GRIK1: variants seen among roughly 807,000 people sequenced by gnomAD.
GRIK1 encodes glutamate receptor ionotropic, kainate 1.
A neutral mutation model predicts 105.7 loss-of-function variants in GRIK1; 69 were observed. The observed-to-expected ratio is 0.65, with a 90% confidence interval of 0.54 to 0.80. GRIK1 has a LOEUF of 0.80. Ranked by LOEUF, GRIK1 falls within the 30% of genes least tolerant of loss-of-function variation. The probability of loss-of-function intolerance (pLI) is 0.00; values close to 1 mark genes in which losing one functional copy is unlikely to be tolerated. For missense variants in GRIK1, 1,109 were observed against 1,167.3 expected (o/e 0.95, Z 0.73); for synonymous variants, 438 against 431.3 (o/e 1.02, Z -0.19).
intron 15 of GRIK1, among the ~76,000 whole-genome samples, chr21:29,560,572 C>T (rs2090449848): frequency 1.8e-5 from 2 of 108,876 alleles, no homozygotes; most frequent in African/African-American, 3.7e-5. Context: ...TTCTTTCTTT[C>T]TTTCTCTCTT....
At chr21:29,725,583 C>T (rs1024593408) in intron 1 of GRIK1, among the ~76,000 whole-genome samples, 1 of 152,208 alleles carries the variant, frequency 6.6e-6, no homozygotes, top group African/African-American at 2.4e-5. Context: ...AGACTGCATA[C>T]GACCAGGTGT....
intron 7 of GRIK1, among the ~76,000 whole-genome samples, chr21:29,607,239 C>A (rs981666678): frequency 1.2e-4 from 19 of 152,068 alleles, no homozygotes; most frequent in African/African-American, 4.6e-4. Flanking sequence ...TTTCTTAGCA[C>A]TTTTCTTTTG....
intron 1 of GRIK1, among the ~76,000 whole-genome samples, chr21:29,717,909 T>C (rs1055543675): frequency 6.6e-6 from 1 of 152,146 alleles, no homozygotes; most frequent in African/African-American, 2.4e-5. Flanking sequence ...AATTACCTTG[T>C]ATTGTGGGAG....
intron 1 of GRIK1, among the ~76,000 whole-genome samples, chr21:29,803,060 ACTCTAAT>A: frequency 6.6e-6 from 1 of 151,982 alleles, no homozygotes; most frequent in Non-Finnish European, 1.5e-5. Context: ...TTTTTTTCAC[ACTCTAAT>A]GCTTGATGAG....
At chr21:29,926,549 A>G (rs2071377717) in intron 1 of GRIK1, among the ~76,000 whole-genome samples, 1 of 152,180 alleles carries the variant, frequency 6.6e-6, no homozygotes, top group Non-Finnish European at 1.5e-5. Flanking sequence ...CAGTTATGAA[A>G]TGAAAAAGTT....
chr21:29,931,403 C>A (rs992852742), intron 1 of GRIK1, among the ~76,000 whole-genome samples: 7 of 152,090 alleles, frequency 4.6e-5, no homozygotes, highest in Non-Finnish European at 7.4e-5. Context: ...TAGAGTAGGG[C>A]TCTAGGCTTT....
At chr21:29,789,765 A>G (rs73897832) in intron 1 of GRIK1, among the ~76,000 whole-genome samples, 2,539 of 152,302 alleles carry the variant, frequency 0.017, 71 homozygotes, top group African/African-American at 0.056. Context: ...GGAGTTTATG[A>G]ATAAAGGCTT....
intron 1 of GRIK1, among the ~76,000 whole-genome samples, chr21:29,760,995 A>G (rs1375415367): frequency 6.6e-6 from 1 of 152,202 alleles, no homozygotes; most frequent in East Asian, 1.9e-4. Flanking sequence ...TTTTAGTTTT[A>G]CAACAACATT....
chr21:29,862,015 G>C (rs1358985744), intron 1 of GRIK1, among the ~76,000 whole-genome samples: 1 of 152,028 alleles, frequency 6.6e-6, no homozygotes, highest in African/African-American at 2.4e-5. Context: ...GTTTTTTAGA[G>C]ATAGAGTCTT....
At chr21:29,879,158 C>A (rs1218790362) in intron 1 of GRIK1, among the ~76,000 whole-genome samples, 1 of 152,066 alleles carries the variant, frequency 6.6e-6, no homozygotes, top group Admixed American at 6.6e-5. Context: ...GAAGAAGGAA[C>A]AACTTTCAGT....
intron 14 of GRIK1, among the ~76,000 whole-genome samples, chr21:29,563,317 G>T (rs1026956087): frequency 6.6e-6 from 1 of 152,148 alleles, no homozygotes; most frequent in African/African-American, 2.4e-5. Flanking sequence ...TAGGACCTGG[G>T]TTAATACTGT....
intron 1 of GRIK1, among the ~76,000 whole-genome samples, chr21:29,827,782 TAAAC>T (rs1307342975): frequency 6.6e-6 from 1 of 152,234 alleles, no homozygotes; most frequent in East Asian, 1.9e-4. Flanking sequence ...TTAGCGTCTT[TAAAC>T]AAACAAACAA....
intron 7 of GRIK1, among the ~76,000 whole-genome samples, chr21:29,599,369 C>T (rs1300229454): frequency 6.6e-6 from 1 of 152,178 alleles, no homozygotes; most frequent in African/African-American, 2.4e-5. Flanking sequence ...TGATGTATTG[C>T]AGTTTTTAGG....
intron 1 of GRIK1, among the ~76,000 whole-genome samples, chr21:29,855,784 G>A (rs1358238929): frequency 6.6e-6 from 1 of 152,180 alleles, no homozygotes; most frequent in Non-Finnish European, 1.5e-5. Context: ...GATGGTGATG[G>A]TGAAGGTGAA....
At chr21:29,686,987 G>T (rs559642970) in intron 3 of GRIK1, among the ~76,000 whole-genome samples, 97 of 152,208 alleles carry the variant, frequency 6.4e-4, no homozygotes, top group Non-Finnish European at 1.2e-3. Flanking sequence ...ACAAGTAGGT[G>T]ACTAACGGGA....
chr21:29,837,461 T>C (rs1042626715), intron 1 of GRIK1, among the ~76,000 whole-genome samples: 7 of 152,118 alleles, frequency 4.6e-5, no homozygotes, highest in African/African-American at 1.7e-4. Context: ...TATGTGATTA[T>C]ATTGAGTTAG....
At chr21:29,760,842 C>T (rs2065493577) in intron 1 of GRIK1, among the ~76,000 whole-genome samples, 1 of 152,108 alleles carries the variant, frequency 6.6e-6, no homozygotes. Flanking sequence ...GTCAGTGATT[C>T]ACAGCTCATA....
intron 1 of GRIK1, among the ~76,000 whole-genome samples, chr21:29,749,592 T>A (rs1163984025): frequency 1.3e-5 from 2 of 152,366 alleles, no homozygotes; most frequent in South Asian, 4.1e-4. Flanking sequence ...GTACCATTTC[T>A]GCCACATTTG....
At chr21:29,858,173 A>G (rs1285502609) in intron 1 of GRIK1, among the ~76,000 whole-genome samples, 1 of 152,164 alleles carries the variant, frequency 6.6e-6, no homozygotes, top group African/African-American at 2.4e-5. Flanking sequence ...TGCTGGGATT[A>G]CAGGCATGAG....
Sources: gnomAD v4.1 joint callset for allele counts (sites outside exome capture counted in the v4.1 genomes callset) on GRCh38, gnomAD v4.1.1 for gene constraint, MANE v1.5 for transcripts, NCBI Gene and HGNC (gene_info 2026-07-23, HGNC 2026-07-21) for gene names.